The following ZCCHC17 variants were observed in gnomAD, a reference collection of about 807,000 sequenced individuals.
ZCCHC17 encodes the protein zinc finger CCHC domain-containing protein 17.
ZCCHC17 carries 18 observed loss-of-function variants against 30.6 expected under a neutral mutation model. The observed-to-expected ratio is 0.59, with a 90% CI of 0.41 to 0.87. ZCCHC17 has a LOEUF of 0.87. Among genes scored for constraint, ZCCHC17 ranks in the 40% least tolerant of loss-of-function variants. The pLI is 0.00. For synonymous variants in ZCCHC17, 88 were observed against 92.4 expected, an observed-to-expected ratio of 0.95 and a Z score of 0.27; for missense variants, 263 against 284.2, an observed-to-expected ratio of 0.93 and a Z score of 0.54.
intron 7 of ZCCHC17, among the ~76,000 whole-genome samples, chr1:31,357,060 G>A (rs1332062302): frequency 6.6e-6 from 1 of 152,154 alleles, no homozygotes; most frequent in Non-Finnish European, 1.5e-5. Flanking sequence ...GTGCCTTGGG[G>A]ACCAAGCTGC....
At chr1:31,329,981 G>C (rs1348868137) in intron 3 of ZCCHC17, among the ~76,000 whole-genome samples, 5 of 152,096 alleles carry the variant, frequency 3.3e-5, no homozygotes, top group East Asian at 1.9e-4. Flanking sequence ...AAGAATAAAG[G>C]GTGTTAAAAC....
At chr1:31,298,585 A>G (rs1315178374) in intron 1 of ZCCHC17, among the ~76,000 whole-genome samples, 1 of 152,148 alleles carries the variant, frequency 6.6e-6, no homozygotes, top group Non-Finnish European at 1.5e-5. Context: ...GGGTTCCACC[A>G]TATTGGCCAG....
At chr1:31,327,827 A>AC (rs1426188227) in intron 3 of ZCCHC17, among the ~76,000 whole-genome samples, 3 of 152,110 alleles carry the variant, frequency 2.0e-5, no homozygotes, top group Non-Finnish European at 4.4e-5. Context: ...AAAAACAGGG[A>AC]CCCCTAGAGG....
chr1:31,363,532 CTGT>C (rs1201362345), intron 7 of ZCCHC17, among the ~76,000 whole-genome samples: 4 of 152,178 alleles, frequency 2.6e-5, no homozygotes, highest in African/African-American at 9.6e-5. Flanking sequence ...TGTCTCACAC[CTGT>C]AATCACAGCA....
At chr1:31,317,710 C>T (rs1646770992) in intron 2 of ZCCHC17, among the ~76,000 whole-genome samples, 1 of 152,166 alleles carries the variant, frequency 6.6e-6, no homozygotes, top group South Asian at 2.1e-4. Flanking sequence ...TCAGGCCACG[C>T]TCCAGCCTCA....
At chr1:31,338,916 T>C (rs370607232) in intron 4 of ZCCHC17, 41 bp from the exon 5 acceptor site, 2 of 1,350,942 alleles carry the variant, frequency 1.5e-6, no homozygotes, top group Admixed American at 2.1e-5. Flanking sequence ...ATCTAAATGA[T>C]GTATTTAAAG....
intron 3 of ZCCHC17, among the ~76,000 whole-genome samples, chr1:31,330,478 G>A (rs1250184493): frequency 6.6e-6 from 1 of 152,164 alleles, no homozygotes; most frequent in East Asian, 1.9e-4. Context: ...TTGGTGTAGC[G>A]TGGGAAGCAA....
In ZCCHC17 at chr1:31,357,732, T is replaced by C. The variant is rs143918110; in HGVS notation, c.565-6300T>C. ...TGTGGGGAGCAGGTGACTTTCATTTTAGATAGGATGGTAAGGCCAGGCCTT... is the reference window on the plus strand; with the variant it reads ...TGTGGGGAGCAGGTGACTTTCATTTCAGATAGGATGGTAAGGCCAGGCCTT... On this transcript the variant is annotated intron_variant, in intron 7 of 7. Coordinates refer to ENST00000344147, the MANE Select transcript of ZCCHC17 (RefSeq NM_016505.4). 1.3e-3 allele frequency among the ~76,000 whole-genome samples: 198 copies of C among 151,670 alleles called. 1 individual carries two copies. The highest frequency in any genetic ancestry group is 4.6e-3 in the African/African-American group (192 of 41,314).
chr1:31,312,670 T>C (rs1228398369), intron 2 of ZCCHC17, among the ~76,000 whole-genome samples: 1 of 152,158 alleles, frequency 6.6e-6, no homozygotes, highest in Admixed American at 6.5e-5. Context: ...GCCTGAGACA[T>C]AGTAGGAATT....
At chr1:31,330,606 A>G (rs561570541) in intron 3 of ZCCHC17, among the ~76,000 whole-genome samples, 15 of 152,278 alleles carry the variant, frequency 9.9e-5, no homozygotes, top group South Asian at 4.1e-4. Context: ...TTGTAAGGAT[A>G]ATATAGATTA....
At chr1:31,356,474 G>A (rs1452244444) in intron 7 of ZCCHC17, among the ~76,000 whole-genome samples, 1 of 152,196 alleles carries the variant, frequency 6.6e-6, no homozygotes, top group East Asian at 1.9e-4. Flanking sequence ...GATAAGGAAA[G>A]GATGTCACCT....
intron 2 of ZCCHC17, 95 bp from the exon 3 acceptor site, chr1:31,319,014 C>G: frequency 7.2e-7 from 1 of 1,387,170 alleles, no homozygotes; most frequent in East Asian, 2.3e-5. Flanking sequence ...CAGAGGCAGT[C>G]AATATGAAGT....
Position 31,310,077 on chromosome 1 carries a change from G to T in ZCCHC17, c.-22G>T. 1 of 1,612,870 alleles carries T rather than the reference G, an allele frequency of 6.2e-7. No individual in the cohort carries two copies. On this transcript the variant is annotated 5_prime_UTR_variant, in exon 2 of 8. An upstream open reading frame in the 5' UTR gains an earlier in-frame stop. Transcript: ENST00000344147. ...TATTAGCTTTAATAGAAGAGAAATG[G>T]AGGAGCCATAGAATATTAAGGATGA...
chr1:31,339,106 T>A, intron 5 of ZCCHC17, 58 bp downstream of exon 5: 1 of 1,326,526 alleles, frequency 7.5e-7, no homozygotes, highest in Non-Finnish European at 1.1e-6. Flanking sequence ...ATAAAATGGT[T>A]TAGTAAATCA....
intron 3 of ZCCHC17, among the ~76,000 whole-genome samples, chr1:31,329,022 G>A (rs1381243860): frequency 2.0e-5 from 3 of 152,118 alleles, no homozygotes; most frequent in Non-Finnish European, 4.4e-5. Flanking sequence ...AAAAGTTCCA[G>A]CCCTCTGATC....
intron 5 of ZCCHC17, among the ~76,000 whole-genome samples, chr1:31,345,040 T>A (rs1260399122): frequency 6.8e-6 from 1 of 147,438 alleles, no homozygotes; most frequent in Non-Finnish European, 1.5e-5. Context: ...TTTTTTTTTT[T>A]AAGTAAAAGG....
chr1:31,328,573 TA>T (rs1175866686), intron 3 of ZCCHC17, among the ~76,000 whole-genome samples: 3 of 33,448 alleles, frequency 9.0e-5, no homozygotes, highest in East Asian at 8.8e-4. Flanking sequence ...AGGAAAAACA[TA>T]GTATGTATAG....
At chr1:31,336,504 T>G (rs946140426) in intron 3 of ZCCHC17, among the ~76,000 whole-genome samples, 2 of 152,184 alleles carry the variant, frequency 1.3e-5, no homozygotes, top group Non-Finnish European at 2.9e-5. Flanking sequence ...AAATTTTTTG[T>G]TTTTTATTTT....
At chr1:31,324,955 C>T (rs1429680020) in intron 3 of ZCCHC17, among the ~76,000 whole-genome samples, 1 of 152,146 alleles carries the variant, frequency 6.6e-6, no homozygotes, top group African/African-American at 2.4e-5. Context: ...AGAGTGAGAA[C>T]TTAAGGTGCT....
Sources: gnomAD v4.1 joint callset for allele counts (sites outside exome capture counted in the v4.1 genomes callset) on GRCh38, gnomAD v4.1.1 for gene constraint, MANE v1.5 for transcripts, NCBI Gene and HGNC (gene_info 2026-07-23, HGNC 2026-07-21) for gene names.